The following GALNT14 variants were observed in gnomAD, a reference collection of about 807,000 sequenced individuals.
The protein encoded by GALNT14 is UDP-GalNAc:polypeptide N-acetylgalactosaminyltransferase 14.
GALNT14 carries 60 observed loss-of-function variants against 77.5 expected under a neutral mutation model. The observed-to-expected ratio is 0.77, with a 90% CI of 0.63 to 0.96. The LOEUF is 0.96. GALNT14 is among the 40% of genes least tolerant of loss of function. The pLI is 0.00. For missense variants in GALNT14, 710 were observed against 731.0 expected (o/e 0.97, Z 0.33); for synonymous variants, 280 against 281.7 (o/e 0.99, Z 0.06).
chr2:31,043,932 C>T (rs1673258346), intron 1 of GALNT14, among the ~76,000 whole-genome samples: 1 of 129,574 alleles, frequency 7.7e-6, no homozygotes, highest in South Asian at 3.0e-4. Flanking sequence ...CAGGGAATGG[C>T]CCTGCAGTTA....
chr2:30,989,088 A>G (rs1359723421), intron 2 of GALNT14, among the ~76,000 whole-genome samples: 1 of 152,158 alleles, frequency 6.6e-6, no homozygotes, highest in Non-Finnish European at 1.5e-5. Context: ...GCTTACCTAG[A>G]GCAGTGGTTC....
At chr2:31,016,807 T>G (rs1016280621) in intron 1 of GALNT14, among the ~76,000 whole-genome samples, 1 of 152,080 alleles carries the variant, frequency 6.6e-6, no homozygotes, top group African/African-American at 2.4e-5. Flanking sequence ...ACTCCCCTCC[T>G]CCTGGGAGTG....
intron 1 of GALNT14, among the ~76,000 whole-genome samples, chr2:31,000,994 A>G (rs1670337239): frequency 6.6e-6 from 1 of 152,160 alleles, no homozygotes; most frequent in South Asian, 2.1e-4. Context: ...GGGAGGATAA[A>G]TGATTTGCCC....
intron 1 of GALNT14, among the ~76,000 whole-genome samples, chr2:31,114,262 C>T (rs1408598104): frequency 6.6e-6 from 1 of 150,856 alleles, no homozygotes; most frequent in Non-Finnish European, 1.5e-5. Context: ...TGGTCCTAAG[C>T]TGCAACAAGT....
the GALNT14 span, among the ~76,000 whole-genome samples, chr2:30,901,945 G>A: frequency 6.6e-6 from 1 of 152,096 alleles, no homozygotes; most frequent in African/African-American, 2.4e-5. Flanking sequence ...TGTTGTCATA[G>A]GCTGATAGCA....
the GALNT14 span, among the ~76,000 whole-genome samples, chr2:30,898,983 G>A: frequency 3.3e-5 from 5 of 152,304 alleles, no homozygotes; most frequent in African/African-American, 1.2e-4. Flanking sequence ...GGACAGGCCT[G>A]GGACATCTCT....
chr2:31,138,098 C>A lies in GALNT14; in HGVS notation c.-12G>T, dbSNP rs780902676. ...GTCAGGCGCCGCATGGTCCCCTTTGCCGCTTCCTCTCCGCGGCGCTACGTC... is the reference window on the plus strand; with the variant it reads ...GTCAGGCGCCGCATGGTCCCCTTTGACGCTTCCTCTCCGCGGCGCTACGTC... On this transcript the variant is annotated 5_prime_UTR_variant, in exon 1 of 15. Coordinates refer to ENST00000349752, the MANE Select transcript of GALNT14 (RefSeq NM_024572.4). The A allele has an allele frequency of 1.2e-6, 2 of 1,613,546 alleles. No individual in the cohort carries two copies. Among genetic ancestry groups the A allele is most frequent in the East Asian group, 4.5e-5 (2 of 44,830 alleles).
chr2:31,049,108 T>C (rs192893579), intron 1 of GALNT14, among the ~76,000 whole-genome samples: 30 of 152,298 alleles, frequency 2.0e-4, no homozygotes, highest in Non-Finnish European at 4.1e-4. Context: ...ATCTAGCGAT[T>C]CTCTACAGCC....
Position 30,924,803 on chromosome 2 carries a change from AGGTCCAATCTGCTCTCAACACTG to A in GALNT14, c.1152-3_1171del. 1 of 1,613,972 alleles carries A rather than the reference AGGTCCAATCTGCTCTCAACACTG, an allele frequency of 6.2e-7. No individual in the cohort carries two copies. The highest frequency in any genetic ancestry group is 8.5e-7 in the Non-Finnish European group (1 of 1,179,994). On this transcript the variant is annotated splice_acceptor_variant and splice_polypyrimidine_tract_variant and coding_sequence_variant and intron_variant, in exon 12 of 15. Transcript: ENST00000349752. LOFTEE classifies it high-confidence loss of function. The stretch of plus-strand genomic sequence containing the variant: ...GCTCTGGCAGCGCAGATTCTTCCTC[AGGTCCAATCTGCTCTCAACACTG>A]GGGGCAACGGGGTTGTGGACAGACA...
chr2:30,992,443 C>T (rs1669761800), intron 2 of GALNT14, among the ~76,000 whole-genome samples: 1 of 152,192 alleles, frequency 6.6e-6, no homozygotes, highest in South Asian at 2.1e-4. Flanking sequence ...CTACCTGCCC[C>T]AGGGTCCAAT....
intron 1 of GALNT14, among the ~76,000 whole-genome samples, chr2:31,114,220 A>G (rs1677984150): frequency 1.3e-5 from 2 of 150,778 alleles, no homozygotes. Flanking sequence ...TACACACATC[A>G]CCATTCTCTG....
At chr2:30,933,161 C>A (rs889907952) in intron 9 of GALNT14, among the ~76,000 whole-genome samples, 4 of 152,114 alleles carry the variant, frequency 2.6e-5, no homozygotes, top group Admixed American at 6.5e-5. Flanking sequence ...CATTCAAAAG[C>A]AGAATGACTG....
intron 1 of GALNT14, among the ~76,000 whole-genome samples, chr2:31,088,357 G>T (rs1012348199): frequency 6.6e-6 from 1 of 152,218 alleles, no homozygotes; most frequent in Non-Finnish European, 1.5e-5. Context: ...CATGGGAGGA[G>T]TGTATGTCCC....
chr2:31,059,562 T>TGG (rs901544609), intron 1 of GALNT14, among the ~76,000 whole-genome samples: 12 of 152,048 alleles, frequency 7.9e-5, no homozygotes, highest in Non-Finnish European at 1.3e-4. Context: ...CCAAGAGAGC[T>TGG]GGGCATGGTG....
chr2:31,086,699 T>C (rs1676446077), intron 1 of GALNT14, among the ~76,000 whole-genome samples: 1 of 152,208 alleles, frequency 6.6e-6, no homozygotes, highest in South Asian at 2.1e-4. Context: ...ATTTGAAAAG[T>C]AGAACACATA....
intron 1 of GALNT14, among the ~76,000 whole-genome samples, chr2:31,092,100 G>A (rs1676774278): frequency 6.6e-6 from 1 of 152,114 alleles, no homozygotes; most frequent in Non-Finnish European, 1.5e-5. Context: ...TTCGCCTGGA[G>A]CTCTCAGGAC....
chr2:30,910,028 G>A (rs1664265607), downstream of GALNT14, among the ~76,000 whole-genome samples: 1 of 140,056 alleles, frequency 7.1e-6, no homozygotes, highest in Admixed American at 8.0e-5. Context: ...CATGGACACA[G>A]GAAGGGGAAT....
chr2:31,092,712 G>A (rs1676814399), intron 1 of GALNT14, among the ~76,000 whole-genome samples: 1 of 152,170 alleles, frequency 6.6e-6, no homozygotes, highest in South Asian at 2.1e-4. Flanking sequence ...GCTGTTTCAG[G>A]GGATGAGTTC....
intron 1 of GALNT14, among the ~76,000 whole-genome samples, chr2:31,094,765 C>T (rs917364072): frequency 6.6e-6 from 1 of 152,192 alleles, no homozygotes; most frequent in African/African-American, 2.4e-5. Context: ...CATACAGACA[C>T]TCACTGTAAG....
Sources: allele counts gnomAD v4.1 joint callset (sites outside exome capture counted in the v4.1 genomes callset), GRCh38; gene constraint gnomAD v4.1.1; transcripts MANE v1.5; gene names NCBI Gene and HGNC (gene_info 2026-07-23, HGNC 2026-07-21).